The following MMP16 variants were observed in gnomAD, a reference collection of about 807,000 sequenced individuals.
MMP16 encodes the protein matrix metalloproteinase-16.
A neutral mutation model predicts 67.8 loss-of-function variants in MMP16; 12 were observed. That is an observed-to-expected ratio of 0.18 (90% CI 0.11 to 0.29). MMP16 has a LOEUF of 0.29. MMP16 is among the 10% of genes least tolerant of loss of function. The pLI, the probability that MMP16 is intolerant of heterozygous loss-of-function variation, is 1.00. For missense variants in MMP16, 475 were observed against 765.7 expected, an observed-to-expected ratio of 0.62 and a Z score of 4.48; for synonymous variants, 249 against 255.9, an observed-to-expected ratio of 0.97 and a Z score of 0.26.
At chr8:88,234,482 T>G (rs918074902) in intron 1 of MMP16, among the ~76,000 whole-genome samples, 1 of 152,240 alleles carries the variant, frequency 6.6e-6, no homozygotes, top group African/African-American at 2.4e-5. Flanking sequence ...TCTTTCTGTT[T>G]TAATGGCTCT....
At chr8:88,163,215 C>A (rs1420258756) in intron 4 of MMP16, among the ~76,000 whole-genome samples, 1 of 152,018 alleles carries the variant, frequency 6.6e-6, no homozygotes, top group Admixed American at 6.6e-5. Flanking sequence ...CAGCTTAAGT[C>A]CTGTCCGTTG....
At chr8:88,101,736 T>C (rs189083541) in intron 6 of MMP16, among the ~76,000 whole-genome samples, 98 of 152,028 alleles carry the variant, frequency 6.4e-4, no homozygotes, top group African/African-American at 2.3e-3. Context: ...ATTAAGAATA[T>C]GATGTACCAT....
chr8:88,086,614 C>T (rs779269306), intron 6 of MMP16, among the ~76,000 whole-genome samples: 5 of 151,760 alleles, frequency 3.3e-5, no homozygotes, highest in Admixed American at 1.3e-4. Flanking sequence ...ATTAGCACAC[C>T]TATCAAGAAT....
intron 8 of MMP16, among the ~76,000 whole-genome samples, chr8:88,051,669 G>A (rs1808272929): frequency 1.3e-5 from 2 of 152,038 alleles, no homozygotes; most frequent in South Asian, 2.1e-4. Flanking sequence ...ACTTAAGCTG[G>A]AAGAAATAAA....
intron 1 of MMP16, among the ~76,000 whole-genome samples, chr8:88,200,152 A>G (rs778879786): frequency 2.6e-5 from 4 of 151,980 alleles, no homozygotes; most frequent in Non-Finnish European, 5.9e-5. Flanking sequence ...GGTGAGGTTG[A>G]ACTAGTCATA....
At chr8:88,074,803 C>A in intron 6 of MMP16, 60 bp from the exon 7 acceptor site, 5 of 1,567,220 alleles carry the variant, frequency 3.2e-6, no homozygotes, top group Non-Finnish European at 4.3e-6. Context: ...CATTTCACGG[C>A]GCAATGGCTG....
chr8:88,198,898 T>C (rs1809298201), intron 1 of MMP16, among the ~76,000 whole-genome samples: 1 of 152,070 alleles, frequency 6.6e-6, no homozygotes, highest in Non-Finnish European at 1.5e-5. Flanking sequence ...TTCAGTTTCC[T>C]AGTTAACAGT....
chr8:88,166,688 C>CAT (rs1166566212), intron 4 of MMP16, among the ~76,000 whole-genome samples: 7,722 of 57,456 alleles, frequency 0.13, 524 homozygotes, highest in Non-Finnish European at 0.18. Flanking sequence ...CAAAAAATTA[C>CAT]ATATATATAT....
chr8:88,236,878 C>A (rs915344131), intron 1 of MMP16, among the ~76,000 whole-genome samples: 1 of 151,954 alleles, frequency 6.6e-6, no homozygotes, highest in Non-Finnish European at 1.5e-5. Context: ...ATCAGCTACA[C>A]CTTTCAAGAT....
intron 1 of MMP16, among the ~76,000 whole-genome samples, chr8:88,312,590 C>T (rs1243090448): frequency 6.6e-6 from 1 of 152,152 alleles, no homozygotes; most frequent in Non-Finnish European, 1.5e-5. Flanking sequence ...CTTCTCTGGA[C>T]TCTATAATCC....
chr8:88,159,216 G>T (rs1450476793), intron 4 of MMP16, among the ~76,000 whole-genome samples: 2 of 152,160 alleles, frequency 1.3e-5, no homozygotes, highest in Admixed American at 6.5e-5. Flanking sequence ...GTCATTGGTA[G>T]CTTGAGGGGG....
chr8:88,178,972 G>T (rs551340638), intron 3 of MMP16, among the ~76,000 whole-genome samples: 1 of 151,888 alleles, frequency 6.6e-6, no homozygotes, highest in East Asian at 1.9e-4. Context: ...AAAAGAGAAC[G>T]GAATATCCAA....
At chr8:88,178,894 A>G (rs1040311052) in intron 3 of MMP16, among the ~76,000 whole-genome samples, 7 of 152,070 alleles carry the variant, frequency 4.6e-5, no homozygotes, top group African/African-American at 1.4e-4. Flanking sequence ...TCTAATCTCT[A>G]TCTCACAGAG....
intron 1 of MMP16, among the ~76,000 whole-genome samples, chr8:88,318,131 G>A (rs2130080992): frequency 6.6e-6 from 1 of 152,246 alleles, no homozygotes; most frequent in South Asian, 2.1e-4. Flanking sequence ...ACCTGTCTCT[G>A]ACAAAGGTTT....
chr8:88,310,155 C>G (rs567455709), intron 1 of MMP16, among the ~76,000 whole-genome samples: 1 of 151,972 alleles, frequency 6.6e-6, no homozygotes, highest in South Asian at 2.1e-4. Context: ...TGATATTTTC[C>G]CTAAGGTATT....
Position 88,282,093 on chromosome 8 carries a change from G to GC in MMP16, c.132+44981_132+44982insG, listed in dbSNP as rs369717644. On this transcript the variant is annotated intron_variant, in intron 1 of 9. Coordinates refer to ENST00000286614, the MANE Select transcript of MMP16 (RefSeq NM_005941.5). ...TTTTTTTTCTTTTTTGGGGGGGGGG[G>GC]GGCGACGGGGTCTTGCTGTCATCTA... Among the ~76,000 whole-genome samples, 3 of 135,946 alleles carry GC rather than the reference G, an allele frequency of 2.2e-5. 1 individual carries two copies. Among genetic ancestry groups the GC allele is most frequent in the Non-Finnish European group, 4.7e-5 (3 of 63,654 alleles). The allele number at this position is 135,946 out of a possible 152,430, so 89.2% of individuals were successfully genotyped here.
At chr8:88,173,301 C>T (rs1266394011) in intron 3 of MMP16, among the ~76,000 whole-genome samples, 1 of 152,160 alleles carries the variant, frequency 6.6e-6, no homozygotes, top group Non-Finnish European at 1.5e-5. Flanking sequence ...ATTCACTCAC[C>T]TTGGCCTCCC....
chr8:88,064,606 G>T (rs1393576683), intron 7 of MMP16, among the ~76,000 whole-genome samples: 1 of 152,012 alleles, frequency 6.6e-6, no homozygotes. Flanking sequence ...AGGTGCCTCA[G>T]GCTGTCCCAA....
chr8:88,232,127 T>C (rs899582093), intron 1 of MMP16, among the ~76,000 whole-genome samples: 1 of 152,144 alleles, frequency 6.6e-6, no homozygotes, highest in African/African-American at 2.4e-5. Context: ...AGTTCACATA[T>C]GGGCAAGTAA....
Sources: allele counts gnomAD v4.1 joint callset (sites outside exome capture counted in the v4.1 genomes callset), GRCh38; gene constraint gnomAD v4.1.1; transcripts MANE v1.5; gene names NCBI Gene and HGNC (gene_info 2026-07-23, HGNC 2026-07-21).